Variants in PDC observed in about 807,000 individuals in gnomAD.
PDC encodes the protein phosducin.
A neutral mutation model predicts 22.2 loss-of-function variants in PDC; 19 were observed. The observed-to-expected ratio is 0.86, with a 90% confidence interval of 0.60 to 1.26. The LOEUF is 1.26. PDC is among the 50% of genes most tolerant of loss of function. The probability of loss-of-function intolerance (pLI) is 0.00; values close to 1 mark genes in which losing one functional copy is unlikely to be tolerated. For synonymous variants in PDC, 97 were observed against 96.2 expected (o/e 1.01, Z -0.05); for missense variants, 274 against 286.8 (o/e 0.96, Z 0.32).
rs1571727978 is a variant in PDC at position 186,458,295 on chromosome 1, A to G, written c.-25+2764T>C. Among the ~76,000 whole-genome samples the G allele has an allele frequency of 5.3e-5, 8 of 150,832 alleles. 1 individual carries two copies. In the South Asian group the frequency reaches 1.7e-3, roughly 31 times the overall value. On this transcript the variant is annotated intron_variant, in intron 1 of 3. Transcript: ENST00000391997. The stretch of plus-strand genomic sequence containing the variant: ...AGAGCACAACTTTTAATACAAAATA[A>G]AAAGAATTAAGTGGCATCTGGGACA...
At chr1:186,445,252 AT>A (rs1662199635) in intron 3 of PDC, among the ~76,000 whole-genome samples, 1 of 152,174 alleles carries the variant, frequency 6.6e-6, no homozygotes, top group Admixed American at 6.6e-5. Context: ...AGAACCATGG[AT>A]TTTTAAAGTA....
intron 1 of PDC, among the ~76,000 whole-genome samples, chr1:186,455,349 C>T (rs1183904337): frequency 5.3e-5 from 8 of 152,072 alleles, no homozygotes; most frequent in African/African-American, 1.9e-4. Flanking sequence ...TAAATACTGT[C>T]ATATTGGGGG....
At chr1:186,444,891 C>T (rs1331470687) in intron 3 of PDC, among the ~76,000 whole-genome samples, 1 of 152,164 alleles carries the variant, frequency 6.6e-6, no homozygotes, top group African/African-American at 2.4e-5. Flanking sequence ...CCAGCAGCAT[C>T]AGCATCACTT....
intron 1 of PDC, among the ~76,000 whole-genome samples, chr1:186,454,458 AGCCACC>A (rs145572636): frequency 0.2 from 30,881 of 151,736 alleles, 4,481 homozygotes; most frequent in African/African-American, 0.41. Flanking sequence ...TACAGTCGTG[AGCCACC>A]GCACCTGGCC....
At chr1:186,450,699 G>A (rs1662335989) in intron 1 of PDC, among the ~76,000 whole-genome samples, 1 of 152,064 alleles carries the variant, frequency 6.6e-6, no homozygotes, top group Admixed American at 6.6e-5. Flanking sequence ...TTATTCATAC[G>A]AAACTCCTTG....
At chr1:186,451,328 A>G (rs1451272159) in intron 1 of PDC, 2 of 152,226 alleles carry the variant, frequency 1.3e-5, no homozygotes, top group African/African-American at 4.8e-5. Flanking sequence ...AGTAATTAAA[A>G]AGCATAATGG....
intron 1 of PDC, among the ~76,000 whole-genome samples, chr1:186,454,227 A>G (rs568510018): frequency 2.6e-4 from 33 of 127,336 alleles, no homozygotes; most frequent in Admixed American, 1.9e-3. Flanking sequence ...AGGCTGGAGT[A>G]CAGTGGTGCG....
At chr1:186,457,637 T>C (rs1463671037) in intron 1 of PDC, among the ~76,000 whole-genome samples, 1 of 152,204 alleles carries the variant, frequency 6.6e-6, no homozygotes, top group Non-Finnish European at 1.5e-5. Context: ...CCTTCAGTTA[T>C]GTTAGTTGTT....
chr1:186,452,258 A>G (rs1036910735), intron 1 of PDC, among the ~76,000 whole-genome samples: 6 of 152,022 alleles, frequency 3.9e-5, no homozygotes, highest in African/African-American at 1.4e-4. Context: ...TGTCTTTTTT[A>G]GACAGAATCT....
In PDC at chr1:186,443,792, T is replaced by G; in HGVS notation, c.*187A>C. On this transcript the variant is annotated 3_prime_UTR_variant, in exon 4 of 4. Transcript: ENST00000391997. ...TGCTGAAGACAGCTCTGTTTTGTAG[T>G]CAAGCATTGTATCAATTTGAGTAAC... 1.8e-6 allele frequency: 1 copy of G among 563,706 alleles called. No individual in the cohort carries two copies. Among genetic ancestry groups the G allele is most frequent in the Non-Finnish European group, 3.1e-6 (1 of 317,856 alleles). The allele number at this position is 563,706 out of a possible 1,614,324, so 34.9% of individuals were successfully genotyped here. A position where few individuals can be genotyped will look rare whatever the true frequency, so the allele number is the denominator to read the frequency against.
chr1:186,448,066 A>C lies in PDC; in HGVS notation c.61+1333T>G, dbSNP rs143830368. ...GACTTAAACTGTTTAATCGTGATCT[A>C]CATTGTTGTTTCCAGTTTTTTCTAT... On this transcript the variant is annotated intron_variant, in intron 2 of 3. Coordinates refer to ENST00000391997, the MANE Select transcript of PDC (RefSeq NM_002597.5). Among the ~76,000 whole-genome samples, 669 of 152,302 alleles carry C rather than the reference A, an allele frequency of 4.4e-3. 2 individuals are homozygous for C. The highest frequency in any genetic ancestry group is 6.7e-3 in the Non-Finnish European group (456 of 68,018).
chr1:186,456,656 T>C (rs1479773917), intron 1 of PDC, among the ~76,000 whole-genome samples: 1 of 152,218 alleles, frequency 6.6e-6, no homozygotes, highest in African/African-American at 2.4e-5. Flanking sequence ...TAAACAATAT[T>C]TTTTCTTTCG....
At chr1:186,460,695 A>G (rs751279951) in intron 1 of PDC, among the ~76,000 whole-genome samples, 9 of 152,200 alleles carry the variant, frequency 5.9e-5, no homozygotes, top group Non-Finnish European at 1.3e-4. Context: ...CTTGGGAGCC[A>G]GATCTTCAAA....
intron 3 of PDC, 71 bp downstream of exon 3, chr1:186,446,355 G>T: frequency 8.6e-7 from 1 of 1,162,540 alleles, no homozygotes; most frequent in Non-Finnish European, 1.2e-6. Flanking sequence ...AGTCTAAAGT[G>T]ATTCTCTAGA....
At chr1:186,454,435 A>G (rs1267739047) in intron 1 of PDC, among the ~76,000 whole-genome samples, 3 of 149,916 alleles carry the variant, frequency 2.0e-5, no homozygotes, top group Non-Finnish European at 4.4e-5. Flanking sequence ...CAGCCTCCCA[A>G]AGTGGCTGGG....
Position 186,444,305 on chromosome 1 carries a change from G to A in PDC, c.415C>T (p.His139Tyr), listed in dbSNP as rs754106832. ...KELKITTIVV[H>Y]IYEDGIKGCD... is the part of the protein sequence containing the mutation. ...CCCTTAATACCATCTTCATAAATGTGAACAACAATTGTGGTGATCTTCAGT... is the reference window on the plus strand; with the variant it reads ...CCCTTAATACCATCTTCATAAATGTAAACAACAATTGTGGTGATCTTCAGT... Residue 139 changes from histidine to tyrosine, a missense_variant, in exon 4 of 4, where the codon CAC (histidine) becomes TAC (tyrosine). By Grantham distance (83) the His-to-Tyr change is moderately conservative (BLOSUM62 2). Transcript: ENST00000391997. The A allele has an allele frequency of 6.2e-7, 1 of 1,613,724 alleles. No homozygotes were observed.
chr1:186,444,593 CT>C (rs2102126612), intron 3 of PDC, 87 bp from the exon 4 acceptor site: 1 of 845,556 alleles, frequency 1.2e-6, no homozygotes, highest in African/African-American at 1.7e-5. Context: ...AAGGAGTGTA[CT>C]TTTGCTCTTT....
chr1:186,447,529 A>G (rs1662258616), intron 2 of PDC, among the ~76,000 whole-genome samples: 1 of 152,174 alleles, frequency 6.6e-6, no homozygotes, highest in Admixed American at 6.5e-5. Context: ...CTGATGACTA[A>G]CAACGTTATT....
In PDC at chr1:186,446,568, C is replaced by T; in HGVS notation, c.71G>A (p.Gly24Glu). ...EGQATHTGPKGVINDWRKFKL... is the reference protein window; with the variant it reads ...EGQATHTGPKEVINDWRKFKL... The stretch of plus-strand genomic sequence containing the variant: ...AAACTTTCTCCAATCATTTATTACT[C>T]CTTTGGGTCCTGGAATGAAATTAAA... Residue 24 changes from glycine to glutamate, a missense_variant, in exon 3 of 4, where the codon GGA becomes GAA. Transcript: ENST00000391997. The T allele has an allele frequency of 6.5e-7, 1 of 1,545,654 alleles. No individual in the cohort carries two copies. Among genetic ancestry groups the T allele is most frequent in the Admixed American group, 1.8e-5 (1 of 56,882 alleles).
Sources: gnomAD v4.1 joint callset for allele counts (sites outside exome capture counted in the v4.1 genomes callset) on GRCh38, gnomAD v4.1.1 for gene constraint, MANE v1.5 for transcripts, NCBI Gene and HGNC (gene_info 2026-07-23, HGNC 2026-07-21) for gene names.